The following PARVA variants were observed in gnomAD, a reference collection of about 807,000 sequenced individuals.
PARVA encodes the protein parvin alpha, also known as alpha-parvin.
In PARVA, 25 loss-of-function variants were observed where a neutral mutation model predicts 52.6. The observed-to-expected ratio is 0.48, with a 90% CI of 0.35 to 0.66. PARVA has a LOEUF of 0.66. Ranked by LOEUF, PARVA falls within the 30% of genes least tolerant of loss-of-function variation. PARVA has a pLI of 0.01. For missense variants in PARVA, 373 were observed against 450.9 expected, an observed-to-expected ratio of 0.83 and a Z score of 1.56; for synonymous variants, 185 against 179.1, an observed-to-expected ratio of 1.03 and a Z score of -0.26.
intron 5 of PARVA, among the ~76,000 whole-genome samples, chr11:12,498,370 T>C (rs919791303): frequency 1.3e-5 from 2 of 152,100 alleles, no homozygotes; most frequent in African/African-American, 4.8e-5. Context: ...ATCAAGAACA[T>C]TGTCTCCAGT....
intron 1 of PARVA, among the ~76,000 whole-genome samples, chr11:12,386,181 G>C (rs1031765284): frequency 1.3e-5 from 2 of 151,968 alleles, no homozygotes; most frequent in Non-Finnish European, 2.9e-5. Flanking sequence ...TTCTCTCCAG[G>C]ACAAACTTCT....
intron 4 of PARVA, among the ~76,000 whole-genome samples, chr11:12,481,986 A>G (rs1941093616): frequency 6.6e-6 from 1 of 151,772 alleles, no homozygotes; most frequent in Non-Finnish European, 1.5e-5. Context: ...CCTGACCAAC[A>G]TGGTGAAACT....
intron 1 of PARVA, among the ~76,000 whole-genome samples, chr11:12,437,437 G>A (rs1043532100): frequency 2.0e-5 from 3 of 152,192 alleles, no homozygotes; most frequent in East Asian, 1.9e-4. Flanking sequence ...TGCCCTGGAC[G>A]TATTTCTATT....
At chr11:12,427,315 A>C (rs1357546839) in intron 1 of PARVA, among the ~76,000 whole-genome samples, 1 of 152,232 alleles carries the variant, frequency 6.6e-6, no homozygotes, top group Admixed American at 6.5e-5. Flanking sequence ...TCTGATATGC[A>C]GTCTCCTGCC....
chr11:12,458,398 T>A (rs900462757), intron 1 of PARVA, among the ~76,000 whole-genome samples: 86 of 152,330 alleles, frequency 5.6e-4, no homozygotes, highest in African/African-American at 2.0e-3. Flanking sequence ...GACATCCTGA[T>A]CATCTCAGCA....
intron 1 of PARVA, among the ~76,000 whole-genome samples, chr11:12,419,251 A>C (rs1467313653): frequency 6.6e-6 from 1 of 152,114 alleles, no homozygotes; most frequent in Non-Finnish European, 1.5e-5. Context: ...CTGAAACCCT[A>C]TACCCATTAA....
Position 12,534,678 on chromosome 11 carries a change from C to A in PARVA, c.*6753C>A, listed in dbSNP as rs1014755758. ...GAGTGTGATATTTTATTGAGGTAGA[C>A]AGGACAATAGATAAATATTTAATCT... On this transcript the variant is annotated 3_prime_UTR_variant, in exon 13 of 13. Transcript: ENST00000334956. Among the ~76,000 whole-genome samples, 2 of 152,152 alleles carry A rather than the reference C, an allele frequency of 1.3e-5. No individual in the cohort carries two copies. The highest frequency in any genetic ancestry group is 4.8e-5 in the African/African-American group (2 of 41,444).
rs1443780702 is a variant in PARVA, at chr11:12,532,906, A to C, written c.*4981A>C. Among the ~76,000 whole-genome samples, 1 of 152,216 alleles carries C rather than the reference A, an allele frequency of 6.6e-6. No individual in the cohort carries two copies. The highest frequency in any genetic ancestry group is 1.5e-5 in the Non-Finnish European group (1 of 68,032). On this transcript the variant is annotated 3_prime_UTR_variant, in exon 13 of 13. Transcript: ENST00000334956. ...TTTCTCCTTTGAAAAACAGGTTGCCATCTACCTTTTTAAATGTCCCACTGT... is the reference window on the plus strand; with the variant it reads ...TTTCTCCTTTGAAAAACAGGTTGCCCTCTACCTTTTTAAATGTCCCACTGT...
intron 4 of PARVA, among the ~76,000 whole-genome samples, chr11:12,484,356 A>G (rs918545292): frequency 1.3e-5 from 2 of 152,048 alleles, no homozygotes; most frequent in African/African-American, 2.4e-5. Flanking sequence ...GAAAAGGCCT[A>G]TTTTCAGAGA....
At chr11:12,429,822 A>G (rs977013711) in intron 1 of PARVA, among the ~76,000 whole-genome samples, 1 of 152,172 alleles carries the variant, frequency 6.6e-6, no homozygotes, top group South Asian at 2.1e-4. Context: ...CGTTCCAATA[A>G]TGGAACACTA....
chr11:12,490,215 C>CAA (rs34941352), intron 4 of PARVA, among the ~76,000 whole-genome samples: 2 of 107,684 alleles, frequency 1.9e-5, no homozygotes, highest in Non-Finnish European at 1.8e-5. Flanking sequence ...GACTCAGTCT[C>CAA]AAAAAAAAAA....
intron 7 of PARVA, 54 bp downstream of exon 7, chr11:12,508,696 C>G (rs1941466506): frequency 7.7e-7 from 1 of 1,295,242 alleles, no homozygotes; most frequent in Non-Finnish European, 1.1e-6. Flanking sequence ...AGATGTTTCT[C>G]TGAAATTCAT....
intron 10 of PARVA, among the ~76,000 whole-genome samples, chr11:12,515,063 TC>T (rs1941551007): frequency 6.6e-6 from 1 of 152,258 alleles, no homozygotes; most frequent in African/African-American, 2.4e-5. Context: ...GCTGTGTTCT[TC>T]CCGGGGCATC....
Position 12,491,877 on chromosome 11 carries a change from G to A in PARVA, c.401-4581G>A, listed in dbSNP as rs543966271. 1.4e-4 allele frequency among the ~76,000 whole-genome samples: 21 copies of A among 152,236 alleles called. No individual in the cohort carries two copies. The South Asian group carries it at 4.2e-3, about 30-fold the overall frequency. ...TATAGCATATGATACCCTGCAAACT[G>A]TATTCTTTTCAACTGCTCATGGAAC... On this transcript the variant is annotated intron_variant, in intron 4 of 12. Transcript: ENST00000334956.
intron 1 of PARVA, among the ~76,000 whole-genome samples, chr11:12,447,023 A>G (rs938690247): frequency 6.6e-6 from 1 of 152,088 alleles, no homozygotes; most frequent in Non-Finnish European, 1.5e-5. Flanking sequence ...TCTCCTCTCT[A>G]TGTCCTAAAT....
intron 9 of PARVA, 21 bp downstream of exon 9, chr11:12,513,381 A>G (rs1489264286): frequency 3.7e-6 from 6 of 1,608,498 alleles, no homozygotes; most frequent in Non-Finnish European, 5.1e-6. Context: ...GGTGCCTGGG[A>G]TGGACAGAGG....
intron 1 of PARVA, among the ~76,000 whole-genome samples, chr11:12,400,926 G>C (rs1939818885): frequency 6.6e-6 from 1 of 152,176 alleles, no homozygotes; most frequent in Non-Finnish European, 1.5e-5. Context: ...GAGCAACATA[G>C]GCAGTTGGGG....
At chr11:12,415,039 G>A (rs1940045335) in intron 1 of PARVA, among the ~76,000 whole-genome samples, 1 of 152,208 alleles carries the variant, frequency 6.6e-6, no homozygotes, top group Non-Finnish European at 1.5e-5. Flanking sequence ...GCACTGGTGG[G>A]CTGGCTTAAC....
intron 1 of PARVA, among the ~76,000 whole-genome samples, chr11:12,398,806 T>C (rs566330085): frequency 6.6e-6 from 1 of 152,306 alleles, no homozygotes; most frequent in South Asian, 2.1e-4. Context: ...TTACCACATA[T>C]ACCACTCCTC....
Sources: gnomAD v4.1 joint callset for allele counts (sites outside exome capture counted in the v4.1 genomes callset) on GRCh38, gnomAD v4.1.1 for gene constraint, MANE v1.5 for transcripts, NCBI Gene and HGNC (gene_info 2026-07-23, HGNC 2026-07-21) for gene names.